TENM4: variants seen among roughly 807,000 people sequenced by gnomAD.
The protein encoded by TENM4 is teneurin transmembrane protein 4.
A neutral mutation model predicts 243.3 loss-of-function variants in TENM4; 82 were observed. That is an observed-to-expected ratio of 0.34 (90% CI 0.28 to 0.40). The LOEUF (loss-of-function observed/expected upper bound fraction) is 0.40, where lower values mean the gene tolerates loss of function less well. TENM4 is among the 10% of genes least tolerant of loss of function. TENM4 has a pLI of 1.00. For synonymous variants in TENM4, 1,412 were observed against 1,456.3 expected, an observed-to-expected ratio of 0.97 and a Z score of 0.69; for missense variants, 3,138 against 3,673.3, an observed-to-expected ratio of 0.85 and a Z score of 3.77.
chr11:79,280,717 A>G (rs1008708774), intron 2 of TENM4, among the ~76,000 whole-genome samples: 3 of 152,116 alleles, frequency 2.0e-5, no homozygotes, highest in Non-Finnish European at 4.4e-5. Context: ...GCCCCTGGGT[A>G]TGAAACATCA....
intron 32 of TENM4, among the ~76,000 whole-genome samples, chr11:78,661,888 C>G (rs1016100101): frequency 6.6e-6 from 1 of 152,166 alleles, no homozygotes; most frequent in Non-Finnish European, 1.5e-5. Context: ...GCTTCATACC[C>G]GGGGCAGCTG....
intron 23 of TENM4, among the ~76,000 whole-genome samples, chr11:78,725,578 TCA>T (rs1855491909): frequency 6.6e-6 from 1 of 152,206 alleles, no homozygotes; most frequent in South Asian, 2.1e-4. Context: ...TCTGCTTAAA[TCA>T]CAATGAACCT....
At chr11:79,337,372 C>T (rs1200738288) in intron 1 of TENM4, among the ~76,000 whole-genome samples, 1 of 152,170 alleles carries the variant, frequency 6.6e-6, no homozygotes, top group Non-Finnish European at 1.5e-5. Context: ...TCGTGCCTCA[C>T]CGTGATCACA....
At chr11:79,387,008 G>T (rs1460561678) in intron 1 of TENM4, among the ~76,000 whole-genome samples, 1 of 152,148 alleles carries the variant, frequency 6.6e-6, no homozygotes, top group Non-Finnish European at 1.5e-5. Context: ...CGAATGTCCA[G>T]CAAGAGCAGA....
chr11:78,988,169 G>T (rs1857961036), intron 6 of TENM4, among the ~76,000 whole-genome samples: 1 of 152,208 alleles, frequency 6.6e-6, no homozygotes, highest in Non-Finnish European at 1.5e-5. Flanking sequence ...ACTTGCTCTG[G>T]AAGAAACCAG....
intron 2 of TENM4, among the ~76,000 whole-genome samples, chr11:79,265,011 A>T (rs1358687672): frequency 6.6e-6 from 1 of 152,236 alleles, no homozygotes; most frequent in Non-Finnish European, 1.5e-5. Flanking sequence ...AAAGGTGTTC[A>T]GCTGCCTGTA....
chr11:79,124,927 A>ATG (rs1861840208), intron 4 of TENM4, among the ~76,000 whole-genome samples: 2 of 123,730 alleles, frequency 1.6e-5, no homozygotes, highest in African/African-American at 2.9e-5. Flanking sequence ...GTGTGTATGT[A>ATG]TATATATATA....
chr11:79,369,233 C>T (rs957621754), intron 1 of TENM4, among the ~76,000 whole-genome samples: 19 of 152,116 alleles, frequency 1.2e-4, no homozygotes, highest in African/African-American at 3.6e-4. Flanking sequence ...CAGAGGTTTC[C>T]GAGAGATGCT....
At chr11:79,277,007 C>A (rs951363168) in intron 2 of TENM4, among the ~76,000 whole-genome samples, 1 of 152,098 alleles carries the variant, frequency 6.6e-6, no homozygotes, top group Non-Finnish European at 1.5e-5. Context: ...AATATTAGCC[C>A]TTTTGTAGAA....
In TENM4 at chr11:78,812,206, C is replaced by T. The variant is rs370767956; in HGVS notation, c.1894G>A (p.Asp632Asn). ...ECDVPTNQCI[D>N]VACSNHGTCI... ...GTGCCATGGTTGCTGCAGGCCACAT[C>T]GATACACTGGTTGGTGGGCACATCG... is the stretch of plus-strand genomic sequence containing the variant. The change falls in exon 14 of 34, where the codon GAT becomes AAT. Residue 632 changes from aspartate (D) to asparagine (N), a missense_variant. Coordinates refer to ENST00000278550, the MANE Select transcript of TENM4 (RefSeq NM_001098816.3). 109 of 1,551,866 alleles carry T rather than the reference C, an allele frequency of 7.0e-5. 2 individuals are homozygous for T. In the Middle Eastern group the frequency reaches 8.3e-4, roughly 12 times the overall value.
chr11:79,076,067 G>C (rs577987978), intron 4 of TENM4, among the ~76,000 whole-genome samples: 1 of 152,182 alleles, frequency 6.6e-6, no homozygotes, highest in South Asian at 2.1e-4. Context: ...TGGTTTTGGT[G>C]TGTCTGTGGA....
At chr11:79,360,039 C>T (rs1857565090) in intron 1 of TENM4, among the ~76,000 whole-genome samples, 1 of 152,194 alleles carries the variant, frequency 6.6e-6, no homozygotes, top group East Asian at 1.9e-4. Context: ...ATCAAAGTCT[C>T]TTCAGACACA....
intron 9 of TENM4, 81 bp downstream of exon 9, chr11:78,889,704 C>G (rs1284400936): frequency 7.1e-7 from 1 of 1,418,012 alleles, no homozygotes; most frequent in Non-Finnish European, 9.6e-7. Context: ...TAGTAAGGAG[C>G]CTTCAGTGCC....
intron 4 of TENM4, among the ~76,000 whole-genome samples, chr11:79,094,905 A>G (rs1402400436): frequency 6.6e-6 from 1 of 152,222 alleles, no homozygotes; most frequent in Non-Finnish European, 1.5e-5. Flanking sequence ...CAATGCCTGC[A>G]TCATCCTTAA....
At chr11:78,666,396 TC>T (rs1238267137) in intron 32 of TENM4, among the ~76,000 whole-genome samples, 1 of 152,236 alleles carries the variant, frequency 6.6e-6, no homozygotes, top group Non-Finnish European at 1.5e-5. Context: ...AAAATCTTTT[TC>T]TTATGGTGGG....
chr11:79,092,234 A>G (rs1007619086), intron 4 of TENM4, among the ~76,000 whole-genome samples: 1 of 152,218 alleles, frequency 6.6e-6, no homozygotes, highest in African/African-American at 2.4e-5. Context: ...CTGGTGGGGC[A>G]GACTGACTTT....
At chr11:78,879,199 C>T (rs1043727722) in intron 9 of TENM4, among the ~76,000 whole-genome samples, 9 of 148,428 alleles carry the variant, frequency 6.1e-5, no homozygotes, top group Non-Finnish European at 7.5e-5. Context: ...GCCGCCACCC[C>T]GTCTAGGAAG....
At chr11:79,439,742 A>T (rs549728033) in intron 1 of TENM4, among the ~76,000 whole-genome samples, 2 of 152,276 alleles carry the variant, frequency 1.3e-5, no homozygotes, top group South Asian at 2.1e-4. Context: ...GACCGCATTT[A>T]AAAATGGCAA....
intron 6 of TENM4, among the ~76,000 whole-genome samples, chr11:79,059,665 T>C (rs1044878708): frequency 2.6e-5 from 4 of 152,334 alleles, no homozygotes; most frequent in Non-Finnish European, 4.4e-5. Context: ...TGTAGTCACA[T>C]GGTTGTGCAT....
Sources: gnomAD v4.1 joint callset for allele counts (sites outside exome capture counted in the v4.1 genomes callset) on GRCh38, gnomAD v4.1.1 for gene constraint, MANE v1.5 for transcripts, NCBI Gene and HGNC (gene_info 2026-07-23, HGNC 2026-07-21) for gene names.